The following CLGN variants were observed in gnomAD, a reference collection of about 807,000 sequenced individuals.
CLGN encodes calmegin, also known as testis tissue sperm-binding protein Li 79P.
In CLGN, 62 loss-of-function variants were observed where a neutral mutation model predicts 79.1. The ratio of observed to expected loss-of-function variants is 0.78; its 90% CI spans 0.64 to 0.97. The LOEUF (loss-of-function observed/expected upper bound fraction) is 0.97, where lower values mean the gene tolerates loss of function less well. Ranked by LOEUF, CLGN falls within the 50% of genes least tolerant of loss-of-function variation. The pLI is 0.00. For synonymous variants in CLGN, 225 were observed against 224.7 expected, an observed-to-expected ratio of 1.00 and a Z score of -0.01; for missense variants, 647 against 715.5, an observed-to-expected ratio of 0.90 and a Z score of 1.09.
intron 13 of CLGN, among the ~76,000 whole-genome samples, chr4:140,391,504 T>A (rs950088698): frequency 2.6e-5 from 4 of 151,678 alleles, no homozygotes; most frequent in African/African-American, 9.7e-5. Flanking sequence ...TGTATATGTG[T>A]GTATATATAT....
rs1419420108 is a variant in CLGN, at chr4:140,427,615, C to T, written c.-88G>A. The T allele has an allele frequency of 6.6e-6, 1 of 152,452 alleles. No individual in the cohort carries two copies. Among genetic ancestry groups the T allele is most frequent in the South Asian group, 2.1e-4 (1 of 4,840 alleles). The allele number at this position is 152,452 out of a possible 1,614,324, so 9.4% of individuals were successfully genotyped here. A position where few individuals can be genotyped will look rare whatever the true frequency, so the allele number is the denominator to read the frequency against. Reference sequence around the variant, plus strand: ...ACTTGGTCCCCGCGTCTCTTCAGACCAGTCCCGCCGGCGGCCGCGCAGCAG... The same window carrying T: ...ACTTGGTCCCCGCGTCTCTTCAGACTAGTCCCGCCGGCGGCCGCGCAGCAG... On this transcript the variant is annotated 5_prime_UTR_variant, in exon 1 of 15. Coordinates refer to ENST00000325617, the MANE Select transcript of CLGN (RefSeq NM_004362.3).
intron 1 of CLGN, among the ~76,000 whole-genome samples, chr4:140,414,462 G>A (rs1276109539): frequency 6.6e-6 from 1 of 151,720 alleles, no homozygotes; most frequent in Non-Finnish European, 1.5e-5. Context: ...AAAAAATTTA[G>A]CAGAATGTAT....
chr4:140,415,732 A>G (rs1169825357), intron 1 of CLGN, among the ~76,000 whole-genome samples: 1 of 135,164 alleles, frequency 7.4e-6, no homozygotes, highest in Non-Finnish European at 1.6e-5. Context: ...AGAGACTTAG[A>G]CTCCCACACA....
At chr4:140,411,907 T>C (rs2126628604) in intron 2 of CLGN, among the ~76,000 whole-genome samples, 1 of 152,248 alleles carries the variant, frequency 6.6e-6, no homozygotes, top group Non-Finnish European at 1.5e-5. Flanking sequence ...AGATTACTCA[T>C]GCTATAAAAT....
At chr4:140,390,364 C>A (rs1233608405) in intron 14 of CLGN, among the ~76,000 whole-genome samples, 1 of 151,632 alleles carries the variant, frequency 6.6e-6, no homozygotes, top group Admixed American at 6.6e-5. Context: ...ATGAGAAAGT[C>A]ATAATTTTGG....
chr4:140,414,791 G>A (rs1461634965), intron 1 of CLGN, among the ~76,000 whole-genome samples: 1 of 150,090 alleles, frequency 6.7e-6, no homozygotes, highest in Non-Finnish European at 1.5e-5. Flanking sequence ...ATATTACCCA[G>A]GAGAACTTCC....
Position 140,392,215 on chromosome 4 carries a change from T to A in CLGN, c.1651+4A>T. 1.9e-6 allele frequency: 3 copies of A among 1,612,030 alleles called. No homozygotes were observed. Among genetic ancestry groups the A allele is most frequent in the Non-Finnish European group, 2.5e-6 (3 of 1,179,118 alleles). On this transcript the variant is annotated splice_donor_region_variant and intron_variant, in intron 13 of 14. Transcript: ENST00000325617. ...TCCATTATAAATCACTCTCATCATC[T>A]TACCTTTTTCAAGCATTTCACCATC...
At chr4:140,414,262 G>C (rs893470276) in intron 1 of CLGN, among the ~76,000 whole-genome samples, 3 of 152,188 alleles carry the variant, frequency 2.0e-5, no homozygotes, top group African/African-American at 7.2e-5. Context: ...AAACAGAACA[G>C]AAAAACTGGA....
chr4:140,417,684 C>G (rs1181242983), intron 1 of CLGN, among the ~76,000 whole-genome samples: 2 of 151,630 alleles, frequency 1.3e-5, no homozygotes, highest in East Asian at 1.9e-4. Context: ...ACAAACCACT[C>G]CTCAATGAAA....
chr4:140,394,186 C>T, intron 10 of CLGN, 145 bp from the exon 11 acceptor site: 1 of 606,086 alleles, frequency 1.6e-6, no homozygotes, highest in South Asian at 2.1e-5. Context: ...TAGTAATATA[C>T]TGGATATAAA....
At chr4:140,411,699 C>T (rs976963048) in intron 2 of CLGN, among the ~76,000 whole-genome samples, 1 of 152,158 alleles carries the variant, frequency 6.6e-6, no homozygotes. Flanking sequence ...ACACAAAATT[C>T]CACGTAATTA....
At chr4:140,414,130 G>T (rs1425454545) in intron 1 of CLGN, among the ~76,000 whole-genome samples, 1 of 152,194 alleles carries the variant, frequency 6.6e-6, no homozygotes, top group African/African-American at 2.4e-5. Context: ...CAGACCTGCA[G>T]TTGAGGGTCC....
intron 1 of CLGN, 34 bp from the exon 2 acceptor site, chr4:140,413,121 C>T (rs777849159): frequency 3.9e-6 from 6 of 1,541,808 alleles, no homozygotes; most frequent in Non-Finnish European, 5.3e-6. Context: ...GAAAATAAAA[C>T]AAAATTGTGA....
At chr4:140,396,891 G>GTGTATATA (rs1553944631) in intron 8 of CLGN, among the ~76,000 whole-genome samples, 1 of 53,664 alleles carries the variant, frequency 1.9e-5, no homozygotes, top group African/African-American at 6.6e-5. Context: ...ATATATATAT[G>GTGTATATA]TATATATATA....
At chr4:140,396,598 C>G (rs1376935000) in intron 8 of CLGN, among the ~76,000 whole-genome samples, 2 of 151,418 alleles carry the variant, frequency 1.3e-5, no homozygotes, top group Non-Finnish European at 2.9e-5. Context: ...TTCTTGTTTC[C>G]CAGGCTGGAG....
intron 1 of CLGN, among the ~76,000 whole-genome samples, chr4:140,415,898 A>AT (rs1221850457): frequency 3.0e-5 from 1 of 33,340 alleles, no homozygotes; most frequent in African/African-American, 1.1e-4. Context: ...CAGAATATAC[A>AT]TTTTTTTCAG....
chr4:140,411,350 C>T (rs1729207307), intron 2 of CLGN, among the ~76,000 whole-genome samples: 1 of 151,982 alleles, frequency 6.6e-6, no homozygotes, highest in South Asian at 2.1e-4. Context: ...CTGTCTGGCT[C>T]CAAAGCTCAT....
At chr4:140,394,187 T>C (rs1728827467) in intron 10 of CLGN, 146 bp from the exon 11 acceptor site, 1 of 603,558 alleles carries the variant, frequency 1.7e-6, no homozygotes, top group East Asian at 2.8e-5. Flanking sequence ...AGTAATATAC[T>C]GGATATAAAA....
At chr4:140,404,607 TTAAAC>T (rs550170912) in intron 5 of CLGN, among the ~76,000 whole-genome samples, 2 of 152,140 alleles carry the variant, frequency 1.3e-5, no homozygotes, top group African/African-American at 2.4e-5. Flanking sequence ...TGAATTGTTT[TTAAAC>T]ATATGAAAGA....
Sources: gnomAD v4.1 joint callset for allele counts (sites outside exome capture counted in the v4.1 genomes callset) on GRCh38, gnomAD v4.1.1 for gene constraint, MANE v1.5 for transcripts, NCBI Gene and HGNC (gene_info 2026-07-23, HGNC 2026-07-21) for gene names.